CRHR2: variants seen among roughly 807,000 people sequenced by gnomAD.
CRHR2 encodes corticotropin releasing hormone receptor 2, also known as corticotropin-releasing hormone receptor 2.
Under a neutral mutation model 57.9 loss-of-function variants are expected in CRHR2, and 53 were observed. The ratio of observed to expected loss-of-function variants is 0.92; its 90% CI spans 0.73 to 1.15. The LOEUF is 1.15. Ranked by LOEUF, CRHR2 falls within the 50% of genes most tolerant of loss-of-function variation. The pLI is 0.00. For missense variants in CRHR2, 532 were observed against 542.6 expected, an observed-to-expected ratio of 0.98 and a Z score of 0.19; for synonymous variants, 213 against 220.9, an observed-to-expected ratio of 0.96 and a Z score of 0.32.
At chr7:30,682,498 C>G (rs1488315842), upstream of CRHR2, 3 of 1,285,074 alleles carry the variant, frequency 2.3e-6, no homozygotes, top group Non-Finnish European at 2.9e-6. Flanking sequence ...CACGGAGCTG[C>G]GGGTACAGCC....
chr7:30,688,355 C>T (rs897316810), intron 2 of CRHR2, among the ~76,000 whole-genome samples: 4 of 152,174 alleles, frequency 2.6e-5, no homozygotes, highest in Admixed American at 2.6e-4. Flanking sequence ...GTTCCAGTGG[C>T]CCCAGGACAC....
intron 1 of CRHR2, 35 bp downstream of exon 1, chr7:30,682,143 C>A (rs1472205128): frequency 7.2e-6 from 11 of 1,535,602 alleles, no homozygotes; most frequent in Non-Finnish European, 9.6e-6. Context: ...AGAGAAGGAG[C>A]CCGCGCAGCC....
chr7:30,654,761 C>G, intron 11 of CRHR2: 1 of 1,536,486 alleles, frequency 6.5e-7, no homozygotes, highest in Non-Finnish European at 8.7e-7. Flanking sequence ...GCTCTGGCTT[C>G]TCTCTTCCAT....
In CRHR2 at chr7:30,666,839, CTG is replaced by C. The variant is rs532212832; in HGVS notation, c.315+387_315+388del. 4.6e-3 allele frequency among the ~76,000 whole-genome samples: 701 copies of C among 152,342 alleles called. 5 individuals carry two copies. The highest frequency in any genetic ancestry group is 7.7e-3 in the Non-Finnish European group (525 of 68,034). On this transcript the variant is annotated intron_variant, in intron 3 of 11. Coordinates refer to ENST00000471646, the MANE Select transcript of CRHR2 (RefSeq NM_001883.5). Reference sequence around the variant, plus strand: ...TCTCATGGGGACAGCCCTTGGGGGGCTGCATTTGTTTCCATGTGGAGTCACAG... The same window carrying C: ...TCTCATGGGGACAGCCCTTGGGGGGCCATTTGTTTCCATGTGGAGTCACAG...
In CRHR2 at chr7:30,660,460, G is replaced by C. The variant is rs1214986986; in HGVS notation, c.831+113C>G. 9 of 1,069,624 alleles carry C rather than the reference G, an allele frequency of 8.4e-6. No individual in the cohort carries two copies. In the African/African-American group the frequency reaches 1.4e-4, roughly 17 times the overall value. The allele number at this position is 1,069,624 out of a possible 1,614,324, so 66.3% of individuals were successfully genotyped here. On this transcript the variant is annotated intron_variant, in intron 8 of 11. Transcript: ENST00000471646. ...GGACAGGGTACGGGGGTGGCATATAGAGTGTGTGCGCAGGGCTGCCCATGC... is the reference window on the plus strand; with the variant it reads ...GGACAGGGTACGGGGGTGGCATATACAGTGTGTGCGCAGGGCTGCCCATGC...
chr7:30,665,222 CA>C lies in CRHR2; in HGVS notation c.426-36del, dbSNP rs756684910. On this transcript the variant is annotated intron_variant, in intron 4 of 11. Coordinates refer to ENST00000471646, the MANE Select transcript of CRHR2 (RefSeq NM_001883.5). The surrounding 1 kb of genome is among the most constrained non-coding windows in gnomAD (Gnocchi z 4.5). The stretch of plus-strand genomic sequence containing the variant: ...GTGCAGGTCAGGGGTCAGCCAGGTT[CA>C]GGGGTCAACTGGGACTGGGTTCCCC... 28 of 1,574,340 alleles carry C rather than the reference CA, an allele frequency of 1.8e-5. No individual in the cohort carries two copies. The highest frequency in any genetic ancestry group is 2.4e-5 in the Non-Finnish European group (28 of 1,144,248).
At chr7:30,675,220 T>C (rs1043069481) in intron 2 of CRHR2, among the ~76,000 whole-genome samples, 4 of 152,158 alleles carry the variant, frequency 2.6e-5, no homozygotes, top group Non-Finnish European at 4.4e-5. Flanking sequence ...TGCCTGTACC[T>C]GGGGCCCAGC....
chr7:30,654,055 AC>A (rs1367245928), intron 11 of CRHR2, among the ~76,000 whole-genome samples: 1 of 151,146 alleles, frequency 6.6e-6, no homozygotes, highest in Admixed American at 6.6e-5. Context: ...GCACCCCTCC[AC>A]CTTCTCTACC....
chr7:30,699,840 C>G, intron 1 of CRHR2: 2 of 823,024 alleles, frequency 2.4e-6, no homozygotes, highest in South Asian at 4.0e-5. Flanking sequence ...GATCCCCGAT[C>G]CAGCCCAGCC....
At chr7:30,676,410 A>C (rs564380745) in intron 2 of CRHR2, among the ~76,000 whole-genome samples, 1 of 152,312 alleles carries the variant, frequency 6.6e-6, no homozygotes, top group East Asian at 1.9e-4. Context: ...CTGAGAATGC[A>C]GACCTGAGTT....
At chr7:30,659,759 G>A (rs965645950) in intron 8 of CRHR2, among the ~76,000 whole-genome samples, 1 of 152,184 alleles carries the variant, frequency 6.6e-6, no homozygotes, top group African/African-American at 2.4e-5. Flanking sequence ...ACAAAAGAAA[G>A]CCCCACCAGG....
rs187033594 is a variant in CRHR2, at chr7:30,656,863, T to A, written c.832-851A>T. On this transcript the variant is annotated intron_variant, in intron 8 of 11. Coordinates refer to ENST00000471646, the MANE Select transcript of CRHR2 (RefSeq NM_001883.5). This position sits in a 1 kb window ranked among gnomAD's most constrained non-coding sequence, Gnocchi z 4.4. ...TCTATCCTTTAAGCACTTGTGCAAG[T>A]GTGTTTGCCTCACAGAGCGTGTGCA... is the stretch of plus-strand genomic sequence containing the variant. 1.6e-4 allele frequency among the ~76,000 whole-genome samples: 24 copies of A among 152,294 alleles called. No individual in the cohort carries two copies. Among genetic ancestry groups the A allele is most frequent in the Admixed American group, 9.2e-4 (14 of 15,298 alleles).
intron 1 of CRHR2, among the ~76,000 whole-genome samples, chr7:30,696,974 G>T (rs1375950942): frequency 6.6e-6 from 1 of 152,106 alleles, no homozygotes; most frequent in African/African-American, 2.4e-5. Flanking sequence ...CCAACAAAAT[G>T]GCAAAACTAG....
intron 2 of CRHR2, among the ~76,000 whole-genome samples, chr7:30,675,198 G>A (rs1198030117): frequency 6.6e-6 from 1 of 152,206 alleles, no homozygotes; most frequent in East Asian, 1.9e-4. Flanking sequence ...TGGGCAGTCA[G>A]AGGGGCCCAA....
chr7:30,681,769 A>T (rs947069433), intron 2 of CRHR2, 146 bp downstream of exon 2: 1 of 1,233,918 alleles, frequency 8.1e-7, no homozygotes, highest in Non-Finnish European at 1.1e-6. Flanking sequence ...CGCCCCCAAC[A>T]CTGTAAGGGG....
At chr7:30,682,551 C>T, upstream of CRHR2, 1 of 1,211,940 alleles carries the variant, frequency 8.3e-7, no homozygotes, top group Non-Finnish European at 1.0e-6. Context: ...CGGGGCCGGG[C>T]GGCTCCTCTC....
chr7:30,681,890 G>C (rs778351409), intron 2 of CRHR2, 25 bp downstream of exon 2: 4 of 1,603,108 alleles, frequency 2.5e-6, no homozygotes, highest in Middle Eastern at 1.7e-4. Flanking sequence ...GTGTAGAGCA[G>C]GCAGCGAGGG....
chr7:30,671,830 TG>T (rs1244465155), intron 2 of CRHR2, among the ~76,000 whole-genome samples: 4 of 147,564 alleles, frequency 2.7e-5, no homozygotes, highest in East Asian at 4.0e-4. Context: ...ATGATGATGA[TG>T]ATGATGATGA....
chr7:30,692,354 G>A (rs1409527668), intron 1 of CRHR2, among the ~76,000 whole-genome samples: 2 of 152,260 alleles, frequency 1.3e-5, no homozygotes, highest in Non-Finnish European at 2.9e-5. Flanking sequence ...GTGGGACTCC[G>A]TTTGCCCTCA....
Sources: gnomAD v4.1 joint callset for allele counts (sites outside exome capture counted in the v4.1 genomes callset) on GRCh38, gnomAD v4.1.1 for gene constraint, Gnocchi (gnomAD v3.1) non-coding constraint, MANE v1.5 for transcripts, NCBI Gene and HGNC (gene_info 2026-07-23, HGNC 2026-07-21) for gene names.